Variants in TUBB8 observed in about 807,000 individuals in gnomAD.
TUBB8 encodes the protein tubulin beta-8 chain.
A neutral mutation model predicts 33.7 loss-of-function variants in TUBB8; 25 were observed. That is an observed-to-expected ratio of 0.74 (90% CI 0.54 to 1.04). The LOEUF is 1.04. TUBB8 is among the 50% of genes least tolerant of loss of function. TUBB8 has a pLI of 0.00. For missense variants in TUBB8, 279 were observed against 608.0 expected, an observed-to-expected ratio of 0.46 and a Z score of 5.69; for synonymous variants, 245 against 240.1, an observed-to-expected ratio of 1.02 and a Z score of -0.19.
upstream of TUBB8, among the ~76,000 whole-genome samples, chr10:54,211 T>A (rs1834502732): frequency 6.6e-6 from 1 of 152,076 alleles, no homozygotes; most frequent in Non-Finnish European, 1.5e-5. Flanking sequence ...CAGCCTCTGG[T>A]AACCAACCTT....
intron 1 of TUBB8, among the ~76,000 whole-genome samples, chr10:65,699 T>C (rs1554741506): frequency 3.9e-5 from 6 of 152,236 alleles, no homozygotes; most frequent in Non-Finnish European, 8.8e-5. Flanking sequence ...CACTCCAGCA[T>C]GGGCGACAAG....
intron 1 of TUBB8, among the ~76,000 whole-genome samples, chr10:72,183 A>G (rs373236244): frequency 1.2e-4 from 18 of 148,694 alleles, no homozygotes; most frequent in African/African-American, 4.4e-4. Flanking sequence ...CAAGATCGGG[A>G]CATTGCACTT....
intron 1 of TUBB8, among the ~76,000 whole-genome samples, chr10:61,215 T>TA (rs1293275282): frequency 2.6e-5 from 4 of 152,198 alleles, no homozygotes; most frequent in Admixed American, 2.6e-4. Flanking sequence ...CCCTAAAACT[T>TA]AAAGTATAAT....
At chr10:52,418 T>C (rs1554739700), upstream of TUBB8, among the ~76,000 whole-genome samples, 1 of 152,134 alleles carries the variant, frequency 6.6e-6, no homozygotes, top group African/African-American at 2.4e-5. Flanking sequence ...CAGTAAAAAA[T>C]TTGAGGTGAG....
At chr10:73,510 G>A (rs1212577517) in intron 1 of TUBB8, among the ~76,000 whole-genome samples, 1 of 152,204 alleles carries the variant, frequency 6.6e-6, no homozygotes, top group African/African-American at 2.4e-5. Flanking sequence ...GGGCGTGCTG[G>A]CGCATGCCTG....
rs1367259193 is a variant in TUBB8 at position 46,985 on chromosome 10, A to G, written c.*72T>C. On this transcript the variant is annotated 3_prime_UTR_variant, in exon 4 of 4. Transcript: ENST00000568584. ...TGAAGACACAAATTAACAAGCGTATAGTGACACATGGCTGTCAGAACACAG... is the reference window on the plus strand; with the variant it reads ...TGAAGACACAAATTAACAAGCGTATGGTGACACATGGCTGTCAGAACACAG... 37 of 618,006 alleles carry G rather than the reference A, an allele frequency of 6.0e-5. No homozygotes were observed. The highest frequency in any genetic ancestry group is 1.1e-4 in the Admixed American group (4 of 35,032). The allele number at this position is 618,006 out of a possible 1,614,324, so 38.3% of individuals were successfully genotyped here. A position where few individuals can be genotyped will look rare whatever the true frequency, so the allele number is the denominator to read the frequency against.
upstream of TUBB8, among the ~76,000 whole-genome samples, chr10:76,122 G>A (rs1295228797): frequency 3.4e-4 from 40 of 116,828 alleles, no homozygotes; most frequent in African/African-American, 1.2e-3. Flanking sequence ...CTGGGAAACC[G>A]AAGCGAAACT....
intron 1 of TUBB8, among the ~76,000 whole-genome samples, chr10:66,704 G>T (rs1460061838): frequency 6.6e-6 from 1 of 152,252 alleles, no homozygotes; most frequent in African/African-American, 2.4e-5. Context: ...GGACATGGTA[G>T]CTGACACCTG....
intron 1 of TUBB8, among the ~76,000 whole-genome samples, chr10:68,967 G>A (rs1834704934): frequency 6.6e-6 from 1 of 152,194 alleles, no homozygotes; most frequent in Admixed American, 6.5e-5. Flanking sequence ...GTTTCCTCCT[G>A]AGCAGATGCA....
At chr10:49,310 C>G (rs1455925799), upstream of TUBB8, 11 of 1,495,620 alleles carry the variant, frequency 7.4e-6, no homozygotes, top group Non-Finnish European at 1.0e-5. Context: ...CCAGCCCGCC[C>G]TCCGCCAACG....
upstream of TUBB8, among the ~76,000 whole-genome samples, chr10:76,549 G>A (rs374311478): frequency 6.6e-6 from 1 of 152,220 alleles, no homozygotes; most frequent in East Asian, 1.9e-4. Context: ...CGAAGCCCCG[G>A]CCCCTCCGGG....
upstream of TUBB8, among the ~76,000 whole-genome samples, chr10:75,274 A>G (rs1834796631): frequency 6.6e-6 from 1 of 151,834 alleles, no homozygotes; most frequent in South Asian, 2.1e-4. Context: ...GCTGGAGCCC[A>G]GGACACCGAG....
At position 46,961 on chromosome 10, in the gene TUBB8, G is replaced by A. The variant is rs1223605138; in HGVS notation, c.*96C>T. On this transcript the variant is annotated 3_prime_UTR_variant, in exon 4 of 4. Coordinates refer to ENST00000568584, the MANE Select transcript of TUBB8 (RefSeq NM_177987.3). ...TGCTTTAAAACGCAGCAGGAGATGT[G>A]AAGACACAAATTAACAAGCGTATAG... The A allele has an allele frequency of 2.8e-5, 17 of 597,942 alleles. No individual in the cohort carries two copies. The highest frequency in any genetic ancestry group is 2.0e-4 in the South Asian group (10 of 50,654). The allele number at this position is 597,942 out of a possible 1,614,324, so 37.0% of individuals were successfully genotyped here. A position where few individuals can be genotyped will look rare whatever the true frequency, so the allele number is the denominator to read the frequency against.
chr10:67,919 G>C (rs1368710487), intron 1 of TUBB8, among the ~76,000 whole-genome samples: 6 of 152,204 alleles, frequency 3.9e-5, no homozygotes, highest in African/African-American at 1.4e-4. Context: ...ACATATGCGT[G>C]CAAGTACAAC....
chr10:48,034 C>A lies in TUBB8; in HGVS notation c.358G>T (p.Val120Phe). 6.2e-7 allele frequency: 1 copy of A among 1,613,974 alleles called. No individual in the cohort carries two copies. Reference protein sequence around the residue: ...AELMESVMDVVRKEAESCDCL... With the variant: ...AELMESVMDVFRKEAESCDCL... Reference sequence around the variant, plus strand: ...TCACAGCTCTCAGCCTCCTTTCTGACAACGTCCATCACTGACTCCATCAGC... The same window carrying A: ...TCACAGCTCTCAGCCTCCTTTCTGAAAACGTCCATCACTGACTCCATCAGC... The change falls in exon 4 of 4, where the codon GTC becomes TTC. Residue 120 changes from valine to phenylalanine, a missense_variant. By Grantham distance (50) the Val-to-Phe change is conservative. This residue lies in a region of TUBB8 where 96 missense variants were observed against 233.7 expected (regional missense o/e 0.41). Transcript: ENST00000568584.
intron 1 of TUBB8, among the ~76,000 whole-genome samples, chr10:61,044 G>C (rs1392789800): frequency 2.2e-5 from 3 of 137,984 alleles, no homozygotes; most frequent in Non-Finnish European, 4.6e-5. Context: ...CATGGACCAG[G>C]AAGGGGAACA....
chr10:70,589 C>T (rs149895304), intron 1 of TUBB8, among the ~76,000 whole-genome samples: 59 of 152,248 alleles, frequency 3.9e-4, no homozygotes, highest in African/African-American at 1.4e-3. Context: ...CCTGTAATCA[C>T]AGTACTTTGG....
upstream of TUBB8, among the ~76,000 whole-genome samples, chr10:52,913 T>TA (rs1564207481): frequency 6.6e-6 from 1 of 152,226 alleles, no homozygotes; most frequent in Non-Finnish European, 1.5e-5. Context: ...ACAACAAGTA[T>TA]ACTCCTCAAG....
intron 1 of TUBB8, among the ~76,000 whole-genome samples, chr10:67,690 G>C (rs781889263): frequency 6.6e-6 from 1 of 152,236 alleles, no homozygotes; most frequent in Non-Finnish European, 1.5e-5. Context: ...CTCCAAAAGT[G>C]CTGGGATTAC....
Sources: allele counts gnomAD v4.1 joint callset (sites outside exome capture counted in the v4.1 genomes callset), GRCh38; gene constraint gnomAD v4.1.1; regional missense constraint gnomAD v4.1.1; transcripts MANE v1.5; gene names NCBI Gene and HGNC (gene_info 2026-07-23, HGNC 2026-07-21).